TIAM1: variants seen among roughly 807,000 people sequenced by gnomAD.
TIAM1 encodes the protein rho guanine nucleotide exchange factor TIAM1.
TIAM1 carries 65 observed loss-of-function variants against 163.5 expected under a neutral mutation model. The ratio of observed to expected loss-of-function variants is 0.40; its 90% CI spans 0.33 to 0.49. The LOEUF (loss-of-function observed/expected upper bound fraction) is 0.49. Among genes scored for constraint, TIAM1 ranks in the 20% least tolerant of loss-of-function variants. The pLI is 0.77. For missense variants in TIAM1, 1,789 were observed against 2,044.7 expected, an observed-to-expected ratio of 0.87 and a Z score of 2.41; for synonymous variants, 833 against 810.1, an observed-to-expected ratio of 1.03 and a Z score of -0.48.
intron 2 of TIAM1, among the ~76,000 whole-genome samples, chr21:31,449,671 C>T (rs2044754209): frequency 6.6e-6 from 1 of 152,178 alleles, no homozygotes; most frequent in Admixed American, 6.5e-5. Flanking sequence ...AGCCACTGCG[C>T]CTGGTCTGTT....
intron 2 of TIAM1, among the ~76,000 whole-genome samples, chr21:31,303,291 T>G (rs1433833319): frequency 6.6e-6 from 1 of 152,226 alleles, no homozygotes; most frequent in Non-Finnish European, 1.5e-5. Context: ...CTGGGTTACC[T>G]ACTCTAAGAA....
chr21:31,556,154 G>A (rs182728249), intron 1 of TIAM1, among the ~76,000 whole-genome samples: 3 of 152,298 alleles, frequency 2.0e-5, no homozygotes, highest in Non-Finnish European at 4.4e-5. Context: ...GAGGCCTTCA[G>A]CATCCCTAAG....
chr21:31,166,803 T>C (rs1032124887), intron 15 of TIAM1, among the ~76,000 whole-genome samples: 1 of 152,194 alleles, frequency 6.6e-6, no homozygotes, highest in African/African-American at 2.4e-5. Context: ...TACTGATCCC[T>C]GATGTGGAAC....
At chr21:31,460,829 C>A (rs1299395515) in intron 2 of TIAM1, among the ~76,000 whole-genome samples, 1 of 152,060 alleles carries the variant, frequency 6.6e-6, no homozygotes. Context: ...TTTTCTTCCA[C>A]CATTTTTAAT....
chr21:31,472,722 A>T (rs904551393), intron 1 of TIAM1, among the ~76,000 whole-genome samples: 1 of 152,198 alleles, frequency 6.6e-6, no homozygotes, highest in Admixed American at 6.5e-5. Flanking sequence ...CTGTAATTTA[A>T]TGTTCCTAAA....
chr21:31,187,650 A>C (rs535174822), intron 13 of TIAM1, among the ~76,000 whole-genome samples: 6 of 152,198 alleles, frequency 3.9e-5, no homozygotes, highest in South Asian at 2.1e-4. Flanking sequence ...GTATCTGATC[A>C]TAAGATTATC....
chr21:31,277,658 A>G (rs990785074), intron 2 of TIAM1, among the ~76,000 whole-genome samples: 1 of 152,168 alleles, frequency 6.6e-6, no homozygotes, highest in African/African-American at 2.4e-5. Context: ...GCATATCATC[A>G]AGAAATAACC....
intron 2 of TIAM1, among the ~76,000 whole-genome samples, chr21:31,329,276 G>A (rs531351511): frequency 8.5e-5 from 13 of 152,288 alleles, no homozygotes; most frequent in African/African-American, 3.1e-4. Flanking sequence ...ACCTGCAACT[G>A]AGCACGTGAA....
At chr21:31,128,080 G>A (rs1313291169) in intron 25 of TIAM1, among the ~76,000 whole-genome samples, 2 of 152,170 alleles carry the variant, frequency 1.3e-5, no homozygotes, top group African/African-American at 4.8e-5. Flanking sequence ...TTTGTGAAAG[G>A]AACAATTCAC....
intron 1 of TIAM1, among the ~76,000 whole-genome samples, chr21:31,492,854 A>G (rs1368145515): frequency 6.6e-6 from 1 of 152,038 alleles, no homozygotes; most frequent in Non-Finnish European, 1.5e-5. Flanking sequence ...TCTATCATAT[A>G]TATACTGATT....
chr21:31,339,386 G>C lies in TIAM1; in HGVS notation c.-332C>G, dbSNP rs924116756. 2.5e-6 allele frequency: 1 copy of C among 398,646 alleles called. No individual in the cohort carries two copies. Among genetic ancestry groups the C allele is most frequent in the Non-Finnish European group, 4.4e-6 (1 of 226,124 alleles). 24.7% of individuals were successfully genotyped at this position (398,646 alleles called of 1,614,324 possible). The stretch of plus-strand genomic sequence containing the variant: ...TCCTCTTCCTCCTCCTGGGCTTCAG[G>C]TCTAGAAAGGTGGGTCTCAGTCCAC... On this transcript the variant is annotated 5_prime_UTR_variant, in exon 2 of 28. Transcript: ENST00000541036.
chr21:31,208,425 G>A (rs1457775110), intron 11 of TIAM1, among the ~76,000 whole-genome samples: 1 of 152,188 alleles, frequency 6.6e-6, no homozygotes, highest in Non-Finnish European at 1.5e-5. Flanking sequence ...CAGCTCTGCA[G>A]AATGTTAATG....
chr21:31,453,403 C>T (rs1378702716), intron 2 of TIAM1, among the ~76,000 whole-genome samples: 1 of 152,036 alleles, frequency 6.6e-6, no homozygotes, highest in African/African-American at 2.4e-5. Context: ...CAGCTGACAG[C>T]CATTAAGAAA....
At position 31,427,302 on chromosome 21, in the gene TIAM1, T is replaced by C. The variant is rs548729689; in HGVS notation, c.-369+36681A>G. Among the ~76,000 whole-genome samples, 47 of 152,160 alleles carry C rather than the reference T, an allele frequency of 3.1e-4. No individual in the cohort carries two copies. In the East Asian group the frequency reaches 7.9e-3, roughly 26 times the overall value. On this transcript the variant is annotated intron_variant, in intron 2 of 28. Transcript: ENST00000286827. ...GGGATCGAGACCATCCTGGCTAATA[T>C]GGTGAAACCCTGTCTCTACTAAAAT...
At chr21:31,299,443 G>C (rs751869877) in intron 2 of TIAM1, among the ~76,000 whole-genome samples, 25 of 152,190 alleles carry the variant, frequency 1.6e-4, no homozygotes, top group Non-Finnish European at 3.2e-4. Context: ...GACTTGCACT[G>C]TTTGTTACGT....
intron 2 of TIAM1, among the ~76,000 whole-genome samples, chr21:31,407,691 A>G (rs973466524): frequency 5.4e-5 from 7 of 130,666 alleles, no homozygotes; most frequent in African/African-American, 2.1e-4. Flanking sequence ...GCTGGAGTGC[A>G]GTGGTGCAAT....
chr21:31,555,572 G>A (rs559806087), intron 1 of TIAM1, among the ~76,000 whole-genome samples: 2 of 152,010 alleles, frequency 1.3e-5, no homozygotes, highest in Non-Finnish European at 2.9e-5. Context: ...CTGGCCCAGA[G>A]GAACAGAATT....
intron 12 of TIAM1, among the ~76,000 whole-genome samples, chr21:31,196,812 T>C (rs139167104): frequency 6.6e-6 from 1 of 152,302 alleles, no homozygotes; most frequent in African/African-American, 2.4e-5. Context: ...TGCAGCACTA[T>C]TCACAATAGC....
intron 11 of TIAM1, among the ~76,000 whole-genome samples, chr21:31,206,815 T>C (rs1056806760): frequency 6.5e-5 from 9 of 139,430 alleles, no homozygotes; most frequent in Middle Eastern, 7.1e-3. Context: ...TCCTAATCCA[T>C]TATGTTTTGC....
Sources: allele counts gnomAD v4.1 joint callset (sites outside exome capture counted in the v4.1 genomes callset), GRCh38; gene constraint gnomAD v4.1.1; transcripts MANE v1.5; gene names NCBI Gene and HGNC (gene_info 2026-07-23, HGNC 2026-07-21).